The following PRDM6 variants were observed in gnomAD, a reference collection of about 807,000 sequenced individuals.
PRDM6 encodes PR/SET domain 6, also known as putative histone-lysine N-methyltransferase PRDM6.
PRDM6 carries 25 observed loss-of-function variants against 60.8 expected under a neutral mutation model. The ratio of observed to expected loss-of-function variants is 0.41; its 90% confidence interval spans 0.30 to 0.57. The LOEUF (loss-of-function observed/expected upper bound fraction) is 0.57. Ranked by LOEUF, PRDM6 falls within the 20% of genes least tolerant of loss-of-function variation. PRDM6 has a pLI of 0.27. For synonymous variants in PRDM6, 407 were observed against 357.4 expected (o/e 1.14, Z -1.57); for missense variants, 839 against 821.3 (o/e 1.02, Z -0.26).
intron 3 of PRDM6, among the ~76,000 whole-genome samples, chr5:123,101,467 A>G (rs960012664): frequency 1.3e-5 from 2 of 152,194 alleles, no homozygotes; most frequent in Non-Finnish European, 2.9e-5. Flanking sequence ...GTAACCTCCA[A>G]TGTGGTTTAA....
chr5:123,155,017 A>G (rs905887340), intron 3 of PRDM6, among the ~76,000 whole-genome samples: 1 of 152,150 alleles, frequency 6.6e-6, no homozygotes, highest in African/African-American at 2.4e-5. Flanking sequence ...GTTTCTGGAA[A>G]GGCAAGCTGT....
intron 3 of PRDM6, among the ~76,000 whole-genome samples, chr5:123,133,349 T>C (rs76082676): frequency 0.011 from 1,690 of 152,204 alleles, 31 homozygotes; most frequent in African/African-American, 0.039. Context: ...CTACCTTTGA[T>C]AGTACTAGTA....
At chr5:123,103,513 CA>C (rs1434546332) in intron 3 of PRDM6, among the ~76,000 whole-genome samples, 2 of 151,966 alleles carry the variant, frequency 1.3e-5, no homozygotes, top group East Asian at 3.8e-4. Context: ...TCTTTCTCAG[CA>C]ATTAGGTCTT....
At chr5:123,126,497 C>G (rs1238120533) in intron 3 of PRDM6, among the ~76,000 whole-genome samples, 1 of 151,858 alleles carries the variant, frequency 6.6e-6, no homozygotes, top group Non-Finnish European at 1.5e-5. Context: ...AGTCTTTTCT[C>G]TGGGCTCAGC....
At position 123,091,788 on chromosome 5, in the gene PRDM6, T is replaced by G. The variant is rs757065679; in HGVS notation, c.592+1182T>G. 3.6e-4 allele frequency among the ~76,000 whole-genome samples: 55 copies of G among 152,384 alleles called. 1 individual carries two copies. The highest frequency in any genetic ancestry group is 6.8e-3 in the Middle Eastern group (2 of 294). ...TTCCTTCGTCTGGCTTCTGTATGAG[T>G]AAAGTTAATTTAAAACATTTATTTT... On this transcript the variant is annotated intron_variant, in intron 2 of 7. Transcript: ENST00000407847.
At chr5:123,122,213 G>A (rs459638) in intron 3 of PRDM6, among the ~76,000 whole-genome samples, 132,020 of 148,362 alleles carry the variant, frequency 0.89, 59,208 homozygotes, top group East Asian at 0.99. Flanking sequence ...CCTGTAACCT[G>A]CTGAATCAGA....
chr5:123,117,781 T>G (rs367805759), intron 3 of PRDM6, among the ~76,000 whole-genome samples: 1 of 150,168 alleles, frequency 6.7e-6, no homozygotes, highest in African/African-American at 2.5e-5. Flanking sequence ...TTTGCTCATT[T>G]GCTTTGCATG....
chr5:123,109,446 CATAGAT>C (rs1216691494), intron 3 of PRDM6, among the ~76,000 whole-genome samples: 1 of 152,018 alleles, frequency 6.6e-6, no homozygotes, highest in Non-Finnish European at 1.5e-5. Flanking sequence ...GGACTCTGCA[CATAGAT>C]ATAAAGAGTA....
chr5:123,173,023 C>G (rs1765929437), intron 6 of PRDM6, among the ~76,000 whole-genome samples: 1 of 151,998 alleles, frequency 6.6e-6, no homozygotes, highest in Non-Finnish European at 1.5e-5. Context: ...AACCCTGTCT[C>G]TACTAAAAAC....
chr5:123,187,375 C>T lies in PRDM6; in HGVS notation c.*174C>T. On this transcript the variant is annotated 3_prime_UTR_variant, in exon 8 of 8. Transcript: ENST00000407847. ...ATTGATCCTGGCATGGAAGTCAGAC[C>T]AGGAAAGAGATTATTTATTTATGAC... The T allele has an allele frequency of 2.0e-6, 1 of 496,562 alleles. No homozygotes were observed. The highest frequency in any genetic ancestry group is 3.7e-6 in the Non-Finnish European group (1 of 270,592). The allele number at this position is 496,562 out of a possible 1,614,324, so 30.8% of individuals were successfully genotyped here.
intron 3 of PRDM6, among the ~76,000 whole-genome samples, chr5:123,112,508 C>T (rs1359338268): frequency 6.6e-6 from 1 of 152,190 alleles, no homozygotes; most frequent in Non-Finnish European, 1.5e-5. Context: ...GTTTTCTGTT[C>T]TTTCTCACAC....
At chr5:123,170,736 T>C (rs1174054388) in intron 5 of PRDM6, 30 bp from the exon 6 acceptor site, 2 of 1,422,624 alleles carry the variant, frequency 1.4e-6, no homozygotes, top group Admixed American at 2.3e-5. Flanking sequence ...CTAATAAAAC[T>C]GTTCTTCTAA....
intron 3 of PRDM6, among the ~76,000 whole-genome samples, chr5:123,128,147 T>C (rs950069483): frequency 6.6e-6 from 1 of 152,230 alleles, no homozygotes; most frequent in African/African-American, 2.4e-5. Flanking sequence ...ATGTGCCACA[T>C]TTTCTTAATC....
intron 2 of PRDM6, among the ~76,000 whole-genome samples, chr5:123,095,501 C>G (rs1415524047): frequency 6.6e-6 from 1 of 152,266 alleles, no homozygotes; most frequent in African/African-American, 2.4e-5. Context: ...AGCCCCCACG[C>G]CCCTCCCCGC....
rs765748130 is a variant in PRDM6 at position 123,193,649 on chromosome 5, A to G, written c.*6448A>G. On this transcript the variant is annotated 3_prime_UTR_variant, in exon 8 of 8. Transcript: ENST00000407847. ...AGGTGATGACTAACGAATTAAGGAA[A>G]ACTTTGGCTCAGATCAGCAAAATTA... 2 of 152,212 alleles carry G rather than the reference A, an allele frequency of 1.3e-5. No homozygotes were observed. Among genetic ancestry groups the G allele is most frequent in the Non-Finnish European group, 2.9e-5 (2 of 68,038 alleles). The allele number at this position is 152,212 out of a possible 1,614,324, so 9.4% of individuals were successfully genotyped here.
chr5:123,174,081 T>C (rs1203424380), intron 6 of PRDM6, among the ~76,000 whole-genome samples: 2 of 152,188 alleles, frequency 1.3e-5, no homozygotes, highest in Non-Finnish European at 2.9e-5. Context: ...CAGAAGAGTT[T>C]TGGATTTTGG....
chr5:123,145,750 CT>C (rs1765224397), intron 3 of PRDM6, among the ~76,000 whole-genome samples: 1 of 152,148 alleles, frequency 6.6e-6, no homozygotes, highest in Non-Finnish European at 1.5e-5. Flanking sequence ...GTTTTCTGTC[CT>C]TGACAGACGG....
rs765186274 is a variant in PRDM6, at chr5:123,090,142, T to G, written c.128T>G (p.Leu43Arg). 1.0e-5 allele frequency: 16 copies of G among 1,532,040 alleles called. No homozygotes were observed. The highest frequency in any genetic ancestry group is 1.2e-5 in the Non-Finnish European group (14 of 1,139,564). 94.9% of individuals were successfully genotyped at this position (1,532,040 alleles called of 1,614,324 possible). A position where few individuals can be genotyped will look rare whatever the true frequency, so the allele number is the denominator to read the frequency against. ...CTCAAGGGCAGCGGCGCCGCGGGTCTCCTGAGCGCGCCGCAGCCTCTTCAG... is the reference window on the plus strand; with the variant it reads ...CTCAAGGGCAGCGGCGCCGCGGGTCGCCTGAGCGCGCCGCAGCCTCTTCAG... Reference protein sequence around the residue: ...GPLKGSGAAGLLSAPQPLQPP... With the variant: ...GPLKGSGAAGRLSAPQPLQPP... Residue 43 changes from leucine to arginine, a missense_variant, in exon 2 of 8, where the codon CTC becomes CGC. By Grantham distance (102) the Leu-to-Arg change is moderately radical. This residue lies in a region of PRDM6 where 730 missense variants were observed against 648.8 expected (regional missense o/e 1.13). Coordinates refer to ENST00000407847, the MANE Select transcript of PRDM6 (RefSeq NM_001136239.4).
chr5:123,138,463 A>G (rs1426607124), intron 3 of PRDM6, among the ~76,000 whole-genome samples: 2 of 152,226 alleles, frequency 1.3e-5, no homozygotes, highest in East Asian at 3.8e-4. Context: ...TCTGCTCTTT[A>G]TCAGTGTGTA....
Sources: gnomAD v4.1 joint callset for allele counts (sites outside exome capture counted in the v4.1 genomes callset) on GRCh38, gnomAD v4.1.1 for gene constraint, gnomAD v4.1.1 regional missense constraint, MANE v1.5 for transcripts, NCBI Gene and HGNC (gene_info 2026-07-23, HGNC 2026-07-21) for gene names.